ROBO2: variants seen among roughly 807,000 people sequenced by gnomAD.
ROBO2 encodes the protein roundabout guidance receptor 2, also known as roundabout homolog 2.
Under a neutral mutation model 160.8 loss-of-function variants are expected in ROBO2, and 53 were observed. The observed-to-expected ratio is 0.33, with a 90% CI of 0.26 to 0.41. The LOEUF (loss-of-function observed/expected upper bound fraction) is 0.41, where lower values mean the gene tolerates loss of function less well. ROBO2 is among the 10% of genes least tolerant of loss of function. ROBO2 has a pLI of 1.00. For synonymous variants in ROBO2, 664 were observed against 611.7 expected, an observed-to-expected ratio of 1.09 and a Z score of -1.26; for missense variants, 1,577 against 1,722.4, an observed-to-expected ratio of 0.92 and a Z score of 1.49.
At chr3:76,545,697 G>A (rs981785719) in intron 2 of ROBO2, among the ~76,000 whole-genome samples, 3 of 151,694 alleles carry the variant, frequency 2.0e-5, no homozygotes, top group Non-Finnish European at 4.4e-5. Flanking sequence ...ATTATCCAAG[G>A]TTATGCTGAT....
chr3:77,319,265 C>T (rs2064406618), intron 2 of ROBO2, among the ~76,000 whole-genome samples: 1 of 152,148 alleles, frequency 6.6e-6, no homozygotes, highest in Admixed American at 6.6e-5. Context: ...ATTATTCTAA[C>T]TTTGGATAAA....
At chr3:76,383,698 G>A (rs1284698043) in intron 2 of ROBO2, among the ~76,000 whole-genome samples, 1 of 151,794 alleles carries the variant, frequency 6.6e-6, no homozygotes, top group Admixed American at 6.6e-5. Context: ...TAACTTTATG[G>A]TGGTCACAGG....
intron 8 of ROBO2, among the ~76,000 whole-genome samples, chr3:77,555,623 C>G (rs1375493755): frequency 6.6e-6 from 1 of 151,862 alleles, no homozygotes; most frequent in Non-Finnish European, 1.5e-5. Context: ...AAATTGTAAT[C>G]AGCATTCTGT....
rs775441268 is a variant in ROBO2 at position 77,612,142 on chromosome 3, C to A, written c.3293+4188C>A. ...AGTTCACTGACAATAAGTCAAAGAA[C>A]AAAACCTTCTCCAGGAAAGGTTGAC... On this transcript the variant is annotated intron_variant, in intron 21 of 25. Coordinates refer to ENST00000461745, the Ensembl canonical transcript of ROBO2. Among the ~76,000 whole-genome samples the A allele has an allele frequency of 1.7e-3, 257 of 152,244 alleles. 3 individuals carry two copies. The highest frequency in any genetic ancestry group is 3.0e-3 in the Non-Finnish European group (207 of 68,004).
chr3:77,299,171 A>G (rs1028801467), intron 2 of ROBO2, among the ~76,000 whole-genome samples: 21 of 152,206 alleles, frequency 1.4e-4, no homozygotes, highest in African/African-American at 1.9e-4. Context: ...TTTAAAATAT[A>G]AGTTGAGATG....
intron 2 of ROBO2, among the ~76,000 whole-genome samples, chr3:76,286,363 G>A (rs1708504895): frequency 6.6e-6 from 1 of 152,166 alleles, no homozygotes; most frequent in South Asian, 2.1e-4. Context: ...GTTAGTGGGG[G>A]TCTAGTGCAA....
At chr3:77,308,718 A>C (rs1164382507) in intron 2 of ROBO2, among the ~76,000 whole-genome samples, 2 of 152,170 alleles carry the variant, frequency 1.3e-5, no homozygotes, top group Non-Finnish European at 2.9e-5. Flanking sequence ...CCAAAATCTA[A>C]AATGCCTCTA....
chr3:77,155,528 G>A (rs1220823858), intron 2 of ROBO2, among the ~76,000 whole-genome samples: 3 of 151,980 alleles, frequency 2.0e-5, no homozygotes, highest in Non-Finnish European at 2.9e-5. Context: ...CAGAAACCCC[G>A]TAAACAACAT....
At chr3:76,327,905 G>T (rs1191596857) in intron 2 of ROBO2, among the ~76,000 whole-genome samples, 1 of 152,088 alleles carries the variant, frequency 6.6e-6, no homozygotes, top group Admixed American at 6.5e-5. Flanking sequence ...TCTGGATAAT[G>T]GGGAAGATCA....
intron 2 of ROBO2, among the ~76,000 whole-genome samples, chr3:76,218,195 C>T (rs894729727): frequency 2.0e-5 from 3 of 152,154 alleles, no homozygotes; most frequent in Non-Finnish European, 4.4e-5. Flanking sequence ...TGCAAACACA[C>T]AGCCAATATC....
chr3:77,108,284 A>G (rs1416833951), intron 2 of ROBO2, among the ~76,000 whole-genome samples: 1 of 126,546 alleles, frequency 7.9e-6, no homozygotes, highest in East Asian at 2.0e-4. Flanking sequence ...ATATATATAT[A>G]TGTATACACA....
chr3:77,071,860 C>T (rs550880259), intron 1 of ROBO2, among the ~76,000 whole-genome samples: 1 of 152,142 alleles, frequency 6.6e-6, no homozygotes, highest in African/African-American at 2.4e-5. Flanking sequence ...CTATCCACCA[C>T]TCTCATTCCT....
At chr3:76,353,992 T>C (rs2075023224) in intron 2 of ROBO2, among the ~76,000 whole-genome samples, 1 of 151,924 alleles carries the variant, frequency 6.6e-6, no homozygotes, top group African/African-American at 2.4e-5. Context: ...TAACTAAAAA[T>C]GATCTCTGAT....
intron 2 of ROBO2, among the ~76,000 whole-genome samples, chr3:76,450,265 G>A (rs1234937321): frequency 6.6e-6 from 1 of 152,176 alleles, no homozygotes; most frequent in Non-Finnish European, 1.5e-5. Context: ...AGCATTAAAA[G>A]AGTGACAAAT....
At chr3:77,204,065 A>G (rs1303443499) in intron 2 of ROBO2, among the ~76,000 whole-genome samples, 1 of 152,202 alleles carries the variant, frequency 6.6e-6, no homozygotes, top group Non-Finnish European at 1.5e-5. Flanking sequence ...AATGTGCTTT[A>G]TAGTAGAAAG....
At chr3:76,167,932 C>T (rs576746580) in intron 2 of ROBO2, among the ~76,000 whole-genome samples, 3 of 152,206 alleles carry the variant, frequency 2.0e-5, no homozygotes, top group Non-Finnish European at 2.9e-5. Context: ...ACTGGGAGTC[C>T]GTTAACAGAG....
At chr3:76,858,874 G>C (rs1194511742) in intron 2 of ROBO2, among the ~76,000 whole-genome samples, 2 of 152,184 alleles carry the variant, frequency 1.3e-5, no homozygotes, top group Non-Finnish European at 2.9e-5. Context: ...TCCAGGGTCT[G>C]ATGATTACAA....
rs1411654110 is a variant in ROBO2 at position 76,070,401 on chromosome 3, CGCTCCCA to C, written c.109+132801_109+132807del. Among the ~76,000 whole-genome samples, 3 of 152,188 alleles carry C rather than the reference CGCTCCCA, an allele frequency of 2.0e-5. No individual in the cohort carries two copies. In the East Asian group the frequency reaches 5.8e-4, roughly 30 times the overall value. On this transcript the variant is annotated intron_variant, in intron 2 of 26. Transcript: ENST00000487694. The stretch of plus-strand genomic sequence containing the variant: ...TGAAATGGACTCCAGTCTCCCATAG[CGCTCCCA>C]GGCTTATTAGGAAGAGGAAATTCCC...
chr3:76,384,863 A>G (rs1296833954), intron 2 of ROBO2, among the ~76,000 whole-genome samples: 1 of 152,204 alleles, frequency 6.6e-6, no homozygotes, highest in African/African-American at 2.4e-5. Context: ...GGGAACTACA[A>G]TTCAAAATGA....
Sources: gnomAD v4.1 joint callset for allele counts (sites outside exome capture counted in the v4.1 genomes callset) on GRCh38, gnomAD v4.1.1 for gene constraint, MANE v1.5 for transcripts, NCBI Gene and HGNC (gene_info 2026-07-23, HGNC 2026-07-21) for gene names.